PDZRN4: variants seen among roughly 807,000 people sequenced by gnomAD.
PDZRN4 encodes PDZ domain containing ring finger 4.
PDZRN4 carries 70 observed loss-of-function variants against 99.0 expected under a neutral mutation model. The observed-to-expected ratio is 0.71, with a 90% CI of 0.58 to 0.86. The LOEUF is 0.86. Among genes scored for constraint, PDZRN4 ranks in the 40% least tolerant of loss-of-function variants. PDZRN4 has a pLI of 0.00. For missense variants in PDZRN4, 1,474 were observed against 1,331.2 expected, an observed-to-expected ratio of 1.11 and a Z score of -1.67; for synonymous variants, 551 against 501.6, an observed-to-expected ratio of 1.10 and a Z score of -1.32.
intron 3 of PDZRN4, among the ~76,000 whole-genome samples, chr12:41,331,403 A>T (rs1314796633): frequency 6.6e-6 from 1 of 152,128 alleles, no homozygotes; most frequent in African/African-American, 2.4e-5. Context: ...ATGTTAGTGG[A>T]TATGAAGGGC....
intron 3 of PDZRN4, among the ~76,000 whole-genome samples, chr12:41,205,119 T>A (rs538841699): frequency 6.6e-6 from 1 of 152,068 alleles, no homozygotes; most frequent in East Asian, 1.9e-4. Flanking sequence ...CATTTTTTAT[T>A]ATGTATTTAT....
At chr12:41,228,843 CTT>C (rs1951012168) in intron 3 of PDZRN4, among the ~76,000 whole-genome samples, 1 of 151,950 alleles carries the variant, frequency 6.6e-6, no homozygotes, top group African/African-American at 2.4e-5. Context: ...TTCTCAAACT[CTT>C]TGTGTTTTTA....
At chr12:41,420,867 A>G (rs1952483068) in intron 3 of PDZRN4, among the ~76,000 whole-genome samples, 1 of 152,142 alleles carries the variant, frequency 6.6e-6, no homozygotes, top group Admixed American at 6.5e-5. Context: ...TTTCAACTCC[A>G]TGAATAACAT....
At chr12:41,498,008 A>G (rs1463687460) in intron 3 of PDZRN4, among the ~76,000 whole-genome samples, 2 of 152,110 alleles carry the variant, frequency 1.3e-5, no homozygotes, top group Admixed American at 6.6e-5. Context: ...ACATCAAAAA[A>G]TTATGAGAAT....
chr12:41,317,929 T>C (rs1352738472), intron 3 of PDZRN4, among the ~76,000 whole-genome samples: 1 of 152,178 alleles, frequency 6.6e-6, no homozygotes, highest in Non-Finnish European at 1.5e-5. Context: ...TACGAAATGT[T>C]CAGGCAGGTT....
chr12:41,393,519 AT>A (rs1242622372), intron 3 of PDZRN4, among the ~76,000 whole-genome samples: 2 of 149,428 alleles, frequency 1.3e-5, no homozygotes, highest in Admixed American at 1.3e-4. Flanking sequence ...AAAAAAAAAA[AT>A]GTAGCTTTTC....
Position 41,552,650 on chromosome 12 carries a change from T to C in PDZRN4, c.1204-6T>C, listed in dbSNP as rs753020211. The C allele has an allele frequency of 1.9e-6, 3 of 1,608,628 alleles. No individual in the cohort carries two copies. The African/African-American group carries it at 4.0e-5, about 21-fold the overall frequency. On this transcript the variant is annotated splice_polypyrimidine_tract_variant and splice_region_variant and intron_variant, in intron 5 of 9. Coordinates refer to ENST00000402685, the MANE Select transcript of PDZRN4 (RefSeq NM_001164595.2). ...TAAATGTCATCTGTGTGTGTTGTTC[T>C]TTCAGGAGGTCGAGTTGTGTCGTGT... is the stretch of plus-strand genomic sequence containing the variant.
At chr12:41,549,241 G>A (rs1020231963) in intron 5 of PDZRN4, among the ~76,000 whole-genome samples, 12 of 152,184 alleles carry the variant, frequency 7.9e-5, no homozygotes, top group African/African-American at 2.7e-4. Context: ...GGAAAGGTAT[G>A]AAAGTTGTTA....
intron 3 of PDZRN4, among the ~76,000 whole-genome samples, chr12:41,354,488 GA>G (rs1056271463): frequency 2.6e-4 from 38 of 144,030 alleles, no homozygotes; most frequent in East Asian, 2.6e-3. Context: ...TTTGGAAAGT[GA>G]AAAAAAAAAG....
chr12:41,542,465 C>T (rs1056441155), intron 5 of PDZRN4, among the ~76,000 whole-genome samples: 1 of 152,200 alleles, frequency 6.6e-6, no homozygotes, highest in African/African-American at 2.4e-5. Context: ...TCACAACAAA[C>T]GAAGCTCTCC....
chr12:41,393,348 G>T (rs552282092), intron 3 of PDZRN4, among the ~76,000 whole-genome samples: 1 of 152,080 alleles, frequency 6.6e-6, no homozygotes, highest in East Asian at 1.9e-4. Flanking sequence ...CATTGTTGCC[G>T]TGGCTGTGTG....
intron 1 of PDZRN4, among the ~76,000 whole-genome samples, chr12:41,190,491 T>A (rs898299568): frequency 6.6e-6 from 1 of 152,132 alleles, no homozygotes; most frequent in Admixed American, 6.5e-5. Context: ...TACAGAAAAG[T>A]CCATGCAACA....
intron 5 of PDZRN4, among the ~76,000 whole-genome samples, chr12:41,547,564 G>T (rs750122116): frequency 2.4e-4 from 36 of 152,112 alleles, no homozygotes; most frequent in Non-Finnish European, 4.9e-4. Flanking sequence ...AGTGGAGGTT[G>T]CAGTCAGCCG....
At chr12:41,371,391 G>C (rs1952040248) in intron 3 of PDZRN4, among the ~76,000 whole-genome samples, 1 of 151,738 alleles carries the variant, frequency 6.6e-6, no homozygotes, top group South Asian at 2.1e-4. Flanking sequence ...AAAATAGCAG[G>C]CTTCTTTCTG....
At chr12:41,255,237 T>G (rs1431122) in intron 3 of PDZRN4, among the ~76,000 whole-genome samples, 1 of 151,710 alleles carries the variant, frequency 6.6e-6, no homozygotes, top group African/African-American at 2.4e-5. Flanking sequence ...AAGGCGCAAG[T>G]GATCAACAGG....
intron 3 of PDZRN4, among the ~76,000 whole-genome samples, chr12:41,265,103 T>TA (rs113947067): frequency 0.12 from 18,481 of 152,020 alleles, 1,954 homozygotes; most frequent in African/African-American, 0.28. Flanking sequence ...GAATAAATTG[T>TA]AAAAAAACCT....
intron 3 of PDZRN4, among the ~76,000 whole-genome samples, chr12:41,254,363 A>T (rs1335299827): frequency 1.3e-5 from 2 of 152,186 alleles, no homozygotes; most frequent in African/African-American, 4.8e-5. Context: ...ACGAAGTAAG[A>T]TACTCAAAGT....
intron 3 of PDZRN4, among the ~76,000 whole-genome samples, chr12:41,358,541 G>T (rs1951943542): frequency 6.6e-6 from 1 of 151,670 alleles, no homozygotes; most frequent in South Asian, 2.1e-4. Flanking sequence ...AAGTTGATTT[G>T]CCCAATGTCA....
At chr12:41,203,111 T>A (rs76735602) in intron 3 of PDZRN4, among the ~76,000 whole-genome samples, 1 of 151,900 alleles carries the variant, frequency 6.6e-6, no homozygotes, top group African/African-American at 2.4e-5. Context: ...CATATTTAAA[T>A]GATAATAGGC....
Sources: allele counts gnomAD v4.1 joint callset (sites outside exome capture counted in the v4.1 genomes callset), GRCh38; gene constraint gnomAD v4.1.1; transcripts MANE v1.5; gene names NCBI Gene and HGNC (gene_info 2026-07-23, HGNC 2026-07-21).